Variants in CLEC4F observed in about 807,000 individuals in gnomAD.
CLEC4F encodes the protein C-type (calcium dependent, carbohydrate-recognition domain) lectin, superfamily member 13.
In CLEC4F, 45 loss-of-function variants were observed where a neutral mutation model predicts 53.4. The ratio of observed to expected loss-of-function variants is 0.84; its 90% CI spans 0.66 to 1.08. The LOEUF (loss-of-function observed/expected upper bound fraction) is 1.08. Among genes scored for constraint, CLEC4F ranks in the 50% least tolerant of loss-of-function variants. The probability of loss-of-function intolerance (pLI) is 0.00; values close to 1 mark genes in which losing one functional copy is unlikely to be tolerated. For missense variants in CLEC4F, 753 were observed against 698.2 expected, an observed-to-expected ratio of 1.08 and a Z score of -0.88; for synonymous variants, 245 against 257.5, an observed-to-expected ratio of 0.95 and a Z score of 0.46.
chr2:70,817,210 TG>T, intron 3 of CLEC4F, 98 bp from the exon 4 acceptor site: 4 of 1,306,044 alleles, frequency 3.1e-6, no homozygotes, highest in Non-Finnish European at 4.1e-6. Flanking sequence ...CCAAGGGAAA[TG>T]GGTACTGCAC....
intron 4 of CLEC4F, among the ~76,000 whole-genome samples, chr2:70,813,624 T>TTTCTTTCTTTCTTTCTTTCTTTC (rs1676728065): frequency 6.9e-6 from 1 of 145,840 alleles, no homozygotes; most frequent in East Asian, 2.0e-4. Context: ...TCTTTCTTTC[T>TTTCTTTCTTTCTTTCTTTCTTTC]TTCTTTCTTT....
chr2:70,822,994 A>C (rs1399325075), upstream of CLEC4F, among the ~76,000 whole-genome samples: 1 of 152,222 alleles, frequency 6.6e-6, no homozygotes, highest in Non-Finnish European at 1.5e-5. Context: ...GCTTTGGCCC[A>C]GGAGGAGCCT....
At chr2:70,814,940 T>G (rs1183715490) in intron 4 of CLEC4F, among the ~76,000 whole-genome samples, 2 of 151,752 alleles carry the variant, frequency 1.3e-5, no homozygotes, top group Non-Finnish European at 2.9e-5. Context: ...GGAGAAACAC[T>G]GGGCCCAGCT....
intron 5 of CLEC4F, chr2:70,811,573 G>C (rs1305540540): frequency 9.3e-6 from 3 of 323,716 alleles, no homozygotes; most frequent in South Asian, 5.8e-5. Flanking sequence ...AGCCAACAGG[G>C]GGGTAGGCAG....
At chr2:70,822,000 C>T (rs1362853929), upstream of CLEC4F, among the ~76,000 whole-genome samples, 13 of 152,094 alleles carry the variant, frequency 8.5e-5, no homozygotes, top group Non-Finnish European at 1.6e-4. Flanking sequence ...TTCAAGTGAT[C>T]CTCCCACCTC....
At chr2:70,819,747 G>T in intron 2 of CLEC4F, 28 bp downstream of exon 2, 1 of 1,492,248 alleles carries the variant, frequency 6.7e-7, no homozygotes. Flanking sequence ...GAGAAAGTTA[G>T]TGAGATTTGG....
intron 5 of CLEC4F, chr2:70,811,132 G>A: frequency 1.5e-6 from 1 of 687,406 alleles, no homozygotes; most frequent in South Asian, 1.3e-5. Flanking sequence ...CTCTTTTGGA[G>A]TTTTATGAGC....
At chr2:70,820,297 C>T (rs1553397650) in intron 1 of CLEC4F, among the ~76,000 whole-genome samples, 166 bp downstream of exon 1, 1 of 152,204 alleles carries the variant, frequency 6.6e-6, no homozygotes, top group East Asian at 1.9e-4. Context: ...AAGCCAGGAC[C>T]ATCTGAATTC....
At chr2:70,817,582 T>C (rs1231803534) in intron 3 of CLEC4F, among the ~76,000 whole-genome samples, 3 of 152,176 alleles carry the variant, frequency 2.0e-5, no homozygotes, top group East Asian at 3.9e-4. Flanking sequence ...ACACCAAGCA[T>C]AGAGCCTCTT....
chr2:70,812,687 A>G, intron 4 of CLEC4F, 89 bp from the exon 5 acceptor site: 3 of 1,326,966 alleles, frequency 2.3e-6, no homozygotes, highest in Middle Eastern at 2.3e-4. Context: ...GGGCCTGCCC[A>G]CTGAGGTTCA....
chr2:70,817,036 A>C lies in CLEC4F; in HGVS notation c.345T>G (p.Ser115Arg). The change falls in exon 4 of 7, where the codon AGT (serine) becomes AGG (arginine). Residue 115 changes from serine (S) to arginine (R), a missense_variant. Transcript: ENST00000272367. ...ACATCTGGATTTCTACTACCCAGGC[A>C]CTGGAATTCTCCATGTGGCCTTTAA... Reference protein sequence around the residue: ...QTFKGHMENSSAWVVEIQMLK... With the variant: ...QTFKGHMENSRAWVVEIQMLK... The C allele has an allele frequency of 1.2e-6, 2 of 1,614,112 alleles. No homozygotes were observed. The highest frequency in any genetic ancestry group is 2.2e-5 in the South Asian group (2 of 91,090).
upstream of CLEC4F, among the ~76,000 whole-genome samples, chr2:70,824,836 A>C (rs1415629279): frequency 6.6e-6 from 1 of 152,212 alleles, no homozygotes; most frequent in Non-Finnish European, 1.5e-5. Flanking sequence ...AAACAAATAG[A>C]TAAGTCTCTA....
rs367611437 is a variant in CLEC4F, at chr2:70,809,423, C to T, written c.1659-41G>A. 83 of 1,555,548 alleles carry T rather than the reference C, an allele frequency of 5.3e-5. No individual in the cohort carries two copies. The African/African-American group carries it at 1.0e-3, about 19-fold the overall frequency. On this transcript the variant is annotated intron_variant, in intron 6 of 6. Coordinates refer to ENST00000272367, the MANE Select transcript of CLEC4F (RefSeq NM_173535.3). ...GGAAAAAAACAGAAAGACCCACTCA[C>T]TGGCTGCATGCCAGCCTCAGGACCT...
chr2:70,811,263 T>C (rs1374953863), intron 5 of CLEC4F: 3 of 985,618 alleles, frequency 3.0e-6, no homozygotes, highest in African/African-American at 1.6e-5. Context: ...TTAAATGTCA[T>C]ACTTCCATAC....
rs58138583 is a variant in CLEC4F, at chr2:70,810,618, CAAAAAA to C, written c.1540-767_1540-762del. Among the ~76,000 whole-genome samples, 387 of 48,838 alleles carry C rather than the reference CAAAAAA, an allele frequency of 7.9e-3. 2 individuals carry two copies. The highest frequency in any genetic ancestry group is 0.023 in the African/African-American group (355 of 15,540). The allele number at this position is 48,838 out of a possible 152,430, so 32.0% of individuals were successfully genotyped here. A position where few individuals can be genotyped will look rare whatever the true frequency, so the allele number is the denominator to read the frequency against. On this transcript the variant is annotated intron_variant, in intron 5 of 6. Transcript: ENST00000272367. ...TGGGCAATAGAGCGAAACTCTGTCG[CAAAAAA>C]AAAAAAAAAAAAAAAAAGTATTTCC...
upstream of CLEC4F, among the ~76,000 whole-genome samples, chr2:70,822,377 G>A (rs1336218808): frequency 6.6e-6 from 1 of 152,176 alleles, no homozygotes; most frequent in Non-Finnish European, 1.5e-5. Flanking sequence ...AGAATCTGAT[G>A]GAGCAGGCTG....
chr2:70,824,732 CA>C (rs1383124892), upstream of CLEC4F, among the ~76,000 whole-genome samples: 6 of 141,982 alleles, frequency 4.2e-5, no homozygotes, highest in African/African-American at 1.6e-4. Context: ...AAAAACAAAA[CA>C]AAAAAACAAA....
In CLEC4F at chr2:70,809,756, G is replaced by A. The variant is rs373262526; in HGVS notation, c.1641C>T (p.Asn547=). ...SWRWTDGTPF[N]AAQNKAPGSK... ...AGACTCACGCTTTGTTCTGGGCGGC[G>A]TTGAATGGTGTCCCATCTGTCCAGC... The change falls in exon 6 of 7, where the codon AAC becomes AAT. Residue 547 remains asparagine (N), a synonymous_variant. Coordinates refer to ENST00000272367, the MANE Select transcript of CLEC4F (RefSeq NM_173535.3). 1.2e-4 allele frequency: 192 copies of A among 1,613,838 alleles called. No individual in the cohort carries two copies. Among genetic ancestry groups the A allele is most frequent in the Non-Finnish European group, 1.5e-4 (177 of 1,179,826 alleles).
chr2:70,810,895 A>G (rs1352989773), intron 5 of CLEC4F: 2 of 545,820 alleles, frequency 3.7e-6, no homozygotes, highest in African/African-American at 3.9e-5. Context: ...TTTCATCACA[A>G]ATTTAATAAA....
Sources: allele counts gnomAD v4.1 joint callset (sites outside exome capture counted in the v4.1 genomes callset), GRCh38; gene constraint gnomAD v4.1.1; transcripts MANE v1.5; gene names NCBI Gene and HGNC (gene_info 2026-07-23, HGNC 2026-07-21).